The following SLC38A4 variants were observed in gnomAD, a reference collection of about 807,000 sequenced individuals.
SLC38A4 encodes the protein sodium-coupled neutral amino acid transporter 4.
A neutral mutation model predicts 63.1 loss-of-function variants in SLC38A4; 20 were observed. That is an observed-to-expected ratio of 0.32 (90% confidence interval 0.22 to 0.46). The LOEUF is 0.46. SLC38A4 is among the 20% of genes least tolerant of loss of function. SLC38A4 has a pLI of 1.00. For synonymous variants in SLC38A4, 230 were observed against 225.5 expected, an observed-to-expected ratio of 1.02 and a Z score of -0.18; for missense variants, 526 against 663.6, an observed-to-expected ratio of 0.79 and a Z score of 2.28.
chr12:46,781,038 A>C (rs939191227), intron 7 of SLC38A4, among the ~76,000 whole-genome samples: 3 of 152,016 alleles, frequency 2.0e-5, no homozygotes. Flanking sequence ...TATTTTCTTC[A>C]CTTCATATGA....
At chr12:46,809,514 A>G (rs1235370022) in intron 1 of SLC38A4, among the ~76,000 whole-genome samples, 1 of 152,058 alleles carries the variant, frequency 6.6e-6, no homozygotes, top group Non-Finnish European at 1.5e-5. Context: ...AGGTGGGGCC[A>G]TGGTGTAGTC....
chr12:46,803,401 G>A (rs1939170309), intron 2 of SLC38A4, among the ~76,000 whole-genome samples: 1 of 151,802 alleles, frequency 6.6e-6, no homozygotes. Context: ...ATCTGTAAAA[G>A]AAAACTGCAA....
intron 1 of SLC38A4, among the ~76,000 whole-genome samples, chr12:46,811,390 T>C (rs1259997456): frequency 6.6e-6 from 1 of 151,618 alleles, no homozygotes; most frequent in Non-Finnish European, 1.5e-5. Context: ...AAAGAACAAA[T>C]AGAAGTTGGC....
intron 2 of SLC38A4, among the ~76,000 whole-genome samples, chr12:46,802,848 A>G (rs76447333): frequency 0.064 from 9,732 of 152,050 alleles, 356 homozygotes; most frequent in Middle Eastern, 0.12. Context: ...TAAGATACTC[A>G]AAGTACAGGG....
At position 46,792,955 on chromosome 12, in the gene SLC38A4, G is replaced by C. The variant is rs555661995; in HGVS notation, c.117C>G (p.Ser39Arg). 6.2e-7 allele frequency: 1 copy of C among 1,609,006 alleles called. No homozygotes were observed. The highest frequency in any genetic ancestry group is 1.3e-5 in the African/African-American group (1 of 74,806). The change falls in exon 3 of 17, where the codon AGC (serine) becomes AGG (arginine). Residue 39 changes from serine (S) to arginine (R), a missense_variant and splice_region_variant. Ser to Arg is a moderately radical substitution (Grantham distance 110). Transcript: ENST00000266579. ...GIGNSEKAAM[S>R]SQFANEDTES... ...CATAGTAATTTTTAACCCCATACCT[G>C]CTCATTGCTGCCTTTTCTGAATTTC... is the stretch of plus-strand genomic sequence containing the variant.
chr12:46,782,697 G>T (rs2120792151), intron 7 of SLC38A4, among the ~76,000 whole-genome samples: 1 of 151,578 alleles, frequency 6.6e-6, no homozygotes, highest in South Asian at 2.1e-4. Context: ...AACCAGGGAG[G>T]AGAGAAGCAT....
chr12:46,818,542 C>G (rs1939484265), intron 1 of SLC38A4, among the ~76,000 whole-genome samples: 1 of 151,612 alleles, frequency 6.6e-6, no homozygotes, highest in Non-Finnish European at 1.5e-5. Flanking sequence ...CTCATTTTTA[C>G]TTCTTTATTA....
intron 1 of SLC38A4, chr12:46,824,253 T>C (rs955037472): frequency 1.3e-5 from 2 of 152,348 alleles, no homozygotes; most frequent in South Asian, 4.1e-4. Context: ...ACTGTACCAA[T>C]GTAAAAATTT....
In SLC38A4 at chr12:46,792,980, C is replaced by T. The variant is rs772180082; in HGVS notation, c.92G>A (p.Gly31Glu). The change falls in exon 3 of 17, where the codon GGA becomes GAA. Residue 31 changes from glycine (G) to glutamate (E), a missense_variant. Coordinates refer to ENST00000266579, the MANE Select transcript of SLC38A4 (RefSeq NM_018018.5). ...ESAPDSYIGI[G>E]NSEKAAMSSQ... ...GCTCATTGCTGCCTTTTCTGAATTT[C>T]CTATCCCGATGTAGCTATCTGGAGC... The T allele has an allele frequency of 5.0e-6, 8 of 1,613,180 alleles. No homozygotes were observed. The highest frequency in any genetic ancestry group is 1.3e-5 in the African/African-American group (1 of 74,982).
At chr12:46,811,399 G>T (rs1041272220) in intron 1 of SLC38A4, among the ~76,000 whole-genome samples, 6 of 152,032 alleles carry the variant, frequency 3.9e-5, no homozygotes, top group African/African-American at 1.2e-4. Flanking sequence ...ATAGAAGTTG[G>T]CAGGAGAAAT....
At chr12:46,805,786 C>T (rs1256446933) in intron 1 of SLC38A4, among the ~76,000 whole-genome samples, 1 of 151,878 alleles carries the variant, frequency 6.6e-6, no homozygotes, top group African/African-American at 2.4e-5. Flanking sequence ...AATAATGAAG[C>T]AAGTCTGGGA....
intron 2 of SLC38A4, among the ~76,000 whole-genome samples, chr12:46,801,319 G>A (rs1939128485): frequency 6.6e-6 from 1 of 152,100 alleles, no homozygotes; most frequent in Non-Finnish European, 1.5e-5. Flanking sequence ...GTGTAAGGGT[G>A]TCAAAACAGT....
chr12:46,787,784 G>A, intron 5 of SLC38A4, 132 bp downstream of exon 5: 4 of 607,478 alleles, frequency 6.6e-6, no homozygotes, highest in Non-Finnish European at 1.1e-5. Context: ...GGATGGTTGG[G>A]TGACCAAGTG....
Position 46,778,531 on chromosome 12 carries a change from A to G in SLC38A4, c.963T>C (p.Cys321=). The change falls in exon 11 of 17, where the codon TGT becomes TGC. Residue 321 remains cysteine, a synonymous_variant. Transcript: ENST00000266579. ...AGTTGAATACAAAGTATTTGGGTTCACACTTGTCATCACTATGAGCTTCAT... is the reference window on the plus strand; with the variant it reads ...AGTTGAATACAAAGTATTTGGGTTCGCACTTGTCATCACTATGAGCTTCAT... The part of the protein sequence containing the change: ...VEYEAHSDDK[C]EPKYFVFNSR... 6.2e-7 allele frequency: 1 copy of G among 1,612,550 alleles called. No homozygotes were observed. Among genetic ancestry groups the G allele is most frequent in the Non-Finnish European group, 8.5e-7 (1 of 1,178,974 alleles).
At chr12:46,807,397 T>A (rs970721428) in intron 1 of SLC38A4, among the ~76,000 whole-genome samples, 11 of 152,014 alleles carry the variant, frequency 7.2e-5, no homozygotes, top group South Asian at 2.1e-4. Context: ...TTGATTTTTT[T>A]AATCACATCA....
chr12:46,772,954 A>G (rs1219571928), intron 14 of SLC38A4, among the ~76,000 whole-genome samples: 2 of 152,106 alleles, frequency 1.3e-5, no homozygotes, highest in Admixed American at 1.3e-4. Context: ...GTGAGTCAGC[A>G]TTTGACACAT....
At chr12:46,805,020 T>C (rs1029322566) in intron 1 of SLC38A4, among the ~76,000 whole-genome samples, 18 of 152,034 alleles carry the variant, frequency 1.2e-4, no homozygotes, top group Admixed American at 1.0e-3. Flanking sequence ...ATCAAATCTA[T>C]TCTTGTAAAA....
intron 2 of SLC38A4, among the ~76,000 whole-genome samples, chr12:46,799,523 G>C (rs934819690): frequency 6.6e-6 from 1 of 151,866 alleles, no homozygotes; most frequent in Non-Finnish European, 1.5e-5. Context: ...GTTTGAACCC[G>C]GGGTCGGAGG....
chr12:46,826,011 G>C (rs779012150), upstream of SLC38A4: 3 of 152,300 alleles, frequency 2.0e-5, no homozygotes, highest in Admixed American at 1.3e-4. Flanking sequence ...CGCCCAGGAC[G>C]TGCGGTCACT....
Sources: allele counts gnomAD v4.1 joint callset (sites outside exome capture counted in the v4.1 genomes callset), GRCh38; gene constraint gnomAD v4.1.1; transcripts MANE v1.5; gene names NCBI Gene and HGNC (gene_info 2026-07-23, HGNC 2026-07-21).